PAPPA2: variants seen among roughly 807,000 people sequenced by gnomAD.
PAPPA2 encodes the protein pappalysin-2.
A neutral mutation model predicts 176.4 loss-of-function variants in PAPPA2; 86 were observed. The ratio of observed to expected loss-of-function variants is 0.49; its 90% CI spans 0.41 to 0.58. The LOEUF (loss-of-function observed/expected upper bound fraction) is 0.58, where lower values mean the gene tolerates loss of function less well. Among genes scored for constraint, PAPPA2 ranks in the 20% least tolerant of loss-of-function variants. The pLI, the probability that PAPPA2 is intolerant of heterozygous loss-of-function variation, is 0.00. For synonymous variants in PAPPA2, 809 were observed against 852.2 expected (o/e 0.95, Z 0.88); for missense variants, 2,073 against 2,256.9 (o/e 0.92, Z 1.65).
intron 19 of PAPPA2, among the ~76,000 whole-genome samples, chr1:176,792,158 G>T (rs751134383): frequency 2.4e-4 from 37 of 152,270 alleles, no homozygotes; most frequent in Middle Eastern, 3.4e-3. Context: ...AGAGGAATAG[G>T]CTCCAGAGTC....
At chr1:176,597,801 A>G (rs934539100) in intron 3 of PAPPA2, among the ~76,000 whole-genome samples, 1 of 152,210 alleles carries the variant, frequency 6.6e-6, no homozygotes, top group Non-Finnish European at 1.5e-5. Flanking sequence ...GATCCCCCAG[A>G]TAAATGAGAA....
At chr1:176,707,879 T>C (rs1422810842) in intron 10 of PAPPA2, among the ~76,000 whole-genome samples, 2 of 152,094 alleles carry the variant, frequency 1.3e-5, no homozygotes, top group African/African-American at 4.8e-5. Flanking sequence ...AATCCAAACA[T>C]CCCCTCATGT....
At chr1:176,542,465 A>G (rs1205011021) in intron 1 of PAPPA2, among the ~76,000 whole-genome samples, 1 of 152,158 alleles carries the variant, frequency 6.6e-6, no homozygotes, top group Non-Finnish European at 1.5e-5. Context: ...TTGCTGAGAA[A>G]TGTTCTTTGT....
intron 3 of PAPPA2, among the ~76,000 whole-genome samples, chr1:176,610,668 A>C (rs1016664685): frequency 2.6e-5 from 4 of 152,210 alleles, no homozygotes; most frequent in African/African-American, 9.6e-5. Context: ...CCTGAAGCAC[A>C]TACAAGGTCT....
chr1:176,476,013 T>C (rs989291941), intron 1 of PAPPA2, among the ~76,000 whole-genome samples: 2 of 152,032 alleles, frequency 1.3e-5, no homozygotes, highest in African/African-American at 2.4e-5. Context: ...GTTACTGTAG[T>C]TATTTGGTGC....
At chr1:176,617,624 T>C (rs1655342294) in intron 3 of PAPPA2, among the ~76,000 whole-genome samples, 1 of 152,038 alleles carries the variant, frequency 6.6e-6, no homozygotes, top group Non-Finnish European at 1.5e-5. Context: ...TTCTTTTATA[T>C]GGCTGAGTGG....
At chr1:176,702,833 C>A in intron 9 of PAPPA2, 98 bp downstream of exon 9, 1 of 1,452,790 alleles carries the variant, frequency 6.9e-7, no homozygotes, top group Admixed American at 2.0e-5. Flanking sequence ...ACACTGTTCT[C>A]TAAACAGAAG....
rs967255901 is a variant in PAPPA2, at chr1:176,493,714, G to T, written c.-917+30296G>T. On this transcript the variant is annotated intron_variant, in intron 1 of 22. Coordinates refer to ENST00000367662, the MANE Select transcript of PAPPA2 (RefSeq NM_020318.3). The stretch of plus-strand genomic sequence containing the variant: ...TCTTCTTCTGGAGAGAAGAAAGTGA[G>T]AAGTGACAAGTGGCTCAGAAGGCTC... Among the ~76,000 whole-genome samples the T allele has an allele frequency of 4.6e-5, 7 of 152,180 alleles. 1 individual carries two copies. The highest frequency in any genetic ancestry group is 4.6e-4 in the Admixed American group (7 of 15,272).
intron 17 of PAPPA2, among the ~76,000 whole-genome samples, chr1:176,778,545 A>G (rs1371987060): frequency 1.3e-5 from 2 of 152,206 alleles, no homozygotes; most frequent in African/African-American, 2.4e-5. Context: ...TAAACTGAAA[A>G]TGTGCAGCTA....
intron 2 of PAPPA2, among the ~76,000 whole-genome samples, chr1:176,581,063 C>A (rs1652930712): frequency 6.6e-6 from 1 of 152,124 alleles, no homozygotes; most frequent in South Asian, 2.1e-4. Flanking sequence ...AGTGTTTCCC[C>A]TATATTTTCT....
At chr1:176,479,077 C>G (rs968621008) in intron 1 of PAPPA2, among the ~76,000 whole-genome samples, 5 of 152,088 alleles carry the variant, frequency 3.3e-5, no homozygotes, top group Non-Finnish European at 5.9e-5. Flanking sequence ...ACATTTTAGA[C>G]CCACCAATAA....
chr1:176,508,498 A>G (rs1441307891), intron 1 of PAPPA2, among the ~76,000 whole-genome samples: 1 of 152,224 alleles, frequency 6.6e-6, no homozygotes, highest in Non-Finnish European at 1.5e-5. Context: ...TGGAATTAAT[A>G]GCCAATTAGA....
chr1:176,548,475 A>C (rs1030229197), intron 1 of PAPPA2, among the ~76,000 whole-genome samples: 23 of 152,272 alleles, frequency 1.5e-4, no homozygotes, highest in African/African-American at 5.1e-4. Flanking sequence ...CCCAAGAAAG[A>C]TCTTTCCATT....
At chr1:176,629,982 C>A (rs10913221) in intron 3 of PAPPA2, among the ~76,000 whole-genome samples, 26,508 of 151,918 alleles carry the variant, frequency 0.17, 2,467 homozygotes, top group Middle Eastern at 0.23. Context: ...TCGCTTGAAC[C>A]CAGGAGACAG....
At chr1:176,582,703 T>A (rs1008100325) in intron 2 of PAPPA2, among the ~76,000 whole-genome samples, 3 of 152,188 alleles carry the variant, frequency 2.0e-5, no homozygotes, top group African/African-American at 7.2e-5. Flanking sequence ...TTATTGGATA[T>A]TGGTAGGTAA....
intron 1 of PAPPA2, among the ~76,000 whole-genome samples, chr1:176,512,887 A>T (rs2102525951): frequency 6.6e-6 from 1 of 152,320 alleles, no homozygotes; most frequent in Admixed American, 6.5e-5. Context: ...AGGTCATAAC[A>T]CAATGCTTCT....
chr1:176,649,077 A>G (rs746656371), intron 3 of PAPPA2, among the ~76,000 whole-genome samples: 38 of 151,240 alleles, frequency 2.5e-4, no homozygotes, highest in Non-Finnish European at 4.4e-4. Flanking sequence ...TTTTTCTTTG[A>G]TGGGAGACTT....
chr1:176,494,190 GT>G (rs776342542), intron 1 of PAPPA2, among the ~76,000 whole-genome samples: 18 of 152,130 alleles, frequency 1.2e-4, no homozygotes, highest in Non-Finnish European at 2.2e-4. Context: ...AGTGGAGTCT[GT>G]TCAGCACCAC....
chr1:176,714,483 C>A (rs911786423), intron 12 of PAPPA2, among the ~76,000 whole-genome samples: 1 of 151,580 alleles, frequency 6.6e-6, no homozygotes, highest in African/African-American at 2.4e-5. Context: ...TATTAAACAC[C>A]CTCACCATAT....
Sources: allele counts gnomAD v4.1 joint callset (sites outside exome capture counted in the v4.1 genomes callset), GRCh38; gene constraint gnomAD v4.1.1; transcripts MANE v1.5; gene names NCBI Gene and HGNC (gene_info 2026-07-23, HGNC 2026-07-21).